The following DCDC2 variants were observed in gnomAD, a reference collection of about 807,000 sequenced individuals.
DCDC2 encodes the protein doublecortin domain-containing protein 2.
A neutral mutation model predicts 50.2 loss-of-function variants in DCDC2; 40 were observed. That is an observed-to-expected ratio of 0.80 (90% CI 0.62 to 1.04). DCDC2 has a LOEUF of 1.04. DCDC2 is among the 50% of genes least tolerant of loss of function. The pLI, the probability that DCDC2 is intolerant of heterozygous loss-of-function variation, is 0.00. For missense variants in DCDC2, 570 were observed against 581.9 expected, an observed-to-expected ratio of 0.98 and a Z score of 0.21; for synonymous variants, 234 against 210.6, an observed-to-expected ratio of 1.11 and a Z score of -0.96.
At chr6:24,374,577 CAA>C in the DCDC2 span, among the ~76,000 whole-genome samples, 9 of 57,468 alleles carry the variant, frequency 1.6e-4, no homozygotes, top group East Asian at 5.9e-4. Flanking sequence ...AGACTCCATC[CAA>C]AAAAAAAAAA....
At chr6:24,369,974 G>A in the DCDC2 span, among the ~76,000 whole-genome samples, 1,608 of 152,136 alleles carry the variant, frequency 0.011, 10 homozygotes, top group South Asian at 0.021. Context: ...CAGGGGACTG[G>A]GGGAGGCTGC....
At chr6:24,270,314 G>C (rs1157029105) in intron 7 of DCDC2, among the ~76,000 whole-genome samples, 2 of 152,138 alleles carry the variant, frequency 1.3e-5, no homozygotes, top group African/African-American at 4.8e-5. Context: ...TCCATTCTAA[G>C]TATTTGTAAA....
chr6:24,177,288 G>A (rs1433912335), intron 9 of DCDC2, among the ~76,000 whole-genome samples: 1 of 152,174 alleles, frequency 6.6e-6, no homozygotes, highest in African/African-American at 2.4e-5. Flanking sequence ...TAGATGTTAA[G>A]AACATTTTGA....
chr6:24,275,864 C>T (rs1436314906), intron 7 of DCDC2, among the ~76,000 whole-genome samples: 14 of 61,398 alleles, frequency 2.3e-4, no homozygotes, highest in African/African-American at 6.8e-4. Context: ...GCCAATAATT[C>T]AATTTTTTTT....
intron 7 of DCDC2, among the ~76,000 whole-genome samples, chr6:24,264,349 T>C (rs771171861): frequency 5.3e-5 from 8 of 152,174 alleles, no homozygotes; most frequent in East Asian, 1.9e-4. Flanking sequence ...ACCACTGTAA[T>C]TGTGATGTGT....
At chr6:24,224,692 C>CAA (rs1762191276) in intron 7 of DCDC2, among the ~76,000 whole-genome samples, 7 of 152,146 alleles carry the variant, frequency 4.6e-5, no homozygotes, top group Admixed American at 4.6e-4. Flanking sequence ...CAATGACCTT[C>CAA]AAGCATTCCT....
chr6:24,318,810 C>T (rs1049973472), intron 2 of DCDC2, among the ~76,000 whole-genome samples: 2 of 113,432 alleles, frequency 1.8e-5, no homozygotes, highest in Admixed American at 8.2e-5. Flanking sequence ...TATTATATCA[C>T]ATTTTCTGTA....
At chr6:24,364,555 G>A in the DCDC2 span, among the ~76,000 whole-genome samples, 8 of 152,278 alleles carry the variant, frequency 5.3e-5, no homozygotes, top group South Asian at 1.4e-3. Context: ...GAAAAGGATT[G>A]TGTTCATTTT....
intron 8 of DCDC2, among the ~76,000 whole-genome samples, chr6:24,201,127 C>T (rs1157133683): frequency 3.3e-5 from 5 of 152,098 alleles, no homozygotes; most frequent in Non-Finnish European, 7.4e-5. Context: ...ATATTCAGGA[C>T]TTGAACTCAG....
chr6:24,359,831 C>A (rs1044983153), upstream of DCDC2, among the ~76,000 whole-genome samples: 16 of 152,128 alleles, frequency 1.1e-4, no homozygotes, highest in Non-Finnish European at 1.5e-5. Flanking sequence ...GACCCCTAAC[C>A]CCCTCCCCGA....
Position 24,278,170 on chromosome 6 carries a change from G to T in DCDC2, c.801C>A (p.Asp267Glu). ...RHSKSTVGSS[D>E]NSSPQPLKRK... The stretch of plus-strand genomic sequence containing the variant: ...TCTTCAGGGGCTGAGGAGATGAGTT[G>T]TCACTGGATCCAACTGTTGACTTAG... The change falls in exon 7 of 10, where the codon GAC becomes GAA. Residue 267 changes from aspartate to glutamate, a missense_variant. Physicochemically the swap from Asp to Glu is conservative, Grantham distance 45. Transcript: ENST00000378454. 1 of 1,613,172 alleles carries T rather than the reference G, an allele frequency of 6.2e-7. No homozygotes were observed. Among genetic ancestry groups the T allele is most frequent in the East Asian group, 2.2e-5 (1 of 44,878 alleles).
intron 7 of DCDC2, among the ~76,000 whole-genome samples, chr6:24,210,215 C>T (rs1182198328): frequency 1.3e-5 from 2 of 152,154 alleles, no homozygotes; most frequent in Non-Finnish European, 2.9e-5. Context: ...TCTCTATCTA[C>T]ACACTTTCTA....
intron 8 of DCDC2, among the ~76,000 whole-genome samples, chr6:24,182,642 A>AAAAAAAAT (rs1274509810): frequency 6.6e-6 from 1 of 150,702 alleles, no homozygotes; most frequent in Non-Finnish European, 1.5e-5. Flanking sequence ...AAAAAAAAAA[A>AAAAAAAAT]AACAGAAGAA....
chr6:24,283,889 TC>T (rs1763534297), intron 6 of DCDC2, among the ~76,000 whole-genome samples: 1 of 152,216 alleles, frequency 6.6e-6, no homozygotes, highest in African/African-American at 2.4e-5. Context: ...GTTATTCTCC[TC>T]TACTCAAACG....
At chr6:24,285,452 T>C (rs571256877) in intron 6 of DCDC2, among the ~76,000 whole-genome samples, 108 of 152,350 alleles carry the variant, frequency 7.1e-4, no homozygotes, top group Admixed American at 7.8e-4. Context: ...TAAGTATCCA[T>C]TGATTAATGG....
At chr6:24,263,505 C>T (rs1262169759) in intron 7 of DCDC2, among the ~76,000 whole-genome samples, 1 of 152,104 alleles carries the variant, frequency 6.6e-6, no homozygotes, top group Non-Finnish European at 1.5e-5. Flanking sequence ...AGGAGGAAGT[C>T]AGAATCCTAT....
At chr6:24,290,737 T>A (rs1161930314) in intron 5 of DCDC2, among the ~76,000 whole-genome samples, 195 bp downstream of exon 5, 1 of 152,192 alleles carries the variant, frequency 6.6e-6, no homozygotes, top group Non-Finnish European at 1.5e-5. Flanking sequence ...TCCCAGAAAT[T>A]ATATTTTTGT....
chr6:24,275,542 G>GA (rs908094963), intron 7 of DCDC2, among the ~76,000 whole-genome samples: 8 of 150,984 alleles, frequency 5.3e-5, no homozygotes, highest in South Asian at 2.1e-4. Context: ...GTTAGTGAAG[G>GA]AAAAAAAAAT....
At chr6:24,245,357 G>A (rs917100120) in intron 7 of DCDC2, among the ~76,000 whole-genome samples, 3 of 152,118 alleles carry the variant, frequency 2.0e-5, no homozygotes, top group Admixed American at 6.6e-5. Flanking sequence ...CCATTCCAGG[G>A]GTTCCAAATG....
Sources: allele counts gnomAD v4.1 joint callset (sites outside exome capture counted in the v4.1 genomes callset), GRCh38; gene constraint gnomAD v4.1.1; transcripts MANE v1.5; gene names NCBI Gene and HGNC (gene_info 2026-07-23, HGNC 2026-07-21).